PJA2: variants seen among roughly 807,000 people sequenced by gnomAD.
The protein encoded by PJA2 is praja ring finger ubiquitin ligase 2.
A neutral mutation model predicts 69.3 loss-of-function variants in PJA2; 25 were observed. The ratio of observed to expected loss-of-function variants is 0.36; its 90% CI spans 0.26 to 0.50. The LOEUF (loss-of-function observed/expected upper bound fraction) is 0.50, where lower values mean the gene tolerates loss of function less well. Among genes scored for constraint, PJA2 ranks in the 20% least tolerant of loss-of-function variants. PJA2 has a pLI of 0.96. For synonymous variants in PJA2, 308 were observed against 277.8 expected, an observed-to-expected ratio of 1.11 and a Z score of -1.08; for missense variants, 809 against 830.2, an observed-to-expected ratio of 0.97 and a Z score of 0.31.
rs1389748701 is a variant in PJA2 at position 109,369,212 on chromosome 5, A to G, written c.1284-466T>C. 2.6e-5 allele frequency among the ~76,000 whole-genome samples: 4 copies of G among 152,204 alleles called. No individual in the cohort carries two copies. The East Asian group carries it at 5.8e-4, about 22-fold the overall frequency. The stretch of plus-strand genomic sequence containing the variant: ...CCAGTCTCAGGTGTTTGTTTATAGC[A>G]ATGCAAGGATGAACTAATACACCAG... On this transcript the variant is annotated intron_variant, in intron 4 of 9. Coordinates refer to ENST00000361189, the MANE Select transcript of PJA2 (RefSeq NM_014819.5).
rs1561356773 is a variant in PJA2 at position 109,378,658 on chromosome 5, T to C, written c.829A>G (p.Arg277Gly). 6 of 1,614,128 alleles carry C rather than the reference T, an allele frequency of 3.7e-6. No individual in the cohort carries two copies. Among genetic ancestry groups the C allele is most frequent in the Admixed American group, 3.3e-5 (2 of 60,018 alleles). The change falls in exon 4 of 10, where the codon AGA (arginine) becomes GGA (glycine). Residue 277 changes from arginine (R) to glycine (G), a missense_variant. Around this residue, in one of 4 missense-constraint regions of PJA2, gnomAD observed 700 missense variants for 639.5 expected, o/e 1.09. Coordinates refer to ENST00000361189, the MANE Select transcript of PJA2 (RefSeq NM_014819.5). ...TCTTCAGGTGAATGTTCTGTCTGTC[T>C]TTCCTGGCTAGTATTATTTTGTTGT... The part of the protein sequence containing the change: ...TKQQNNTSQE[R>G]QTEHSPEDAA...
At chr5:109,373,298 G>A (rs990282738) in intron 4 of PJA2, among the ~76,000 whole-genome samples, 2 of 152,106 alleles carry the variant, frequency 1.3e-5, no homozygotes, top group African/African-American at 4.8e-5. Flanking sequence ...GAGAGACAGA[G>A]GGAAGCAACC....
At chr5:109,363,089 T>C in intron 5 of PJA2, 67 bp from the exon 6 acceptor site, 1 of 1,337,050 alleles carries the variant, frequency 7.5e-7, no homozygotes, top group Non-Finnish European at 1.0e-6. Context: ...CTGTCTTTAA[T>C]TCTATTCCAT....
chr5:109,405,870 T>C lies in PJA2; in HGVS notation c.-88+3972A>G, dbSNP rs1359645724. Among the ~76,000 whole-genome samples, 7 of 151,970 alleles carry C rather than the reference T, an allele frequency of 4.6e-5. No homozygotes were observed. The South Asian group carries it at 1.0e-3, about 23-fold the overall frequency. On this transcript the variant is annotated intron_variant, in intron 1 of 9. Coordinates refer to ENST00000361189, the MANE Select transcript of PJA2 (RefSeq NM_014819.5). ...CAGAAGCACAAATCATAAGAAAAAG[T>C]TGGTAAGATGAATTTATCAAAATTA... is the stretch of plus-strand genomic sequence containing the variant.
At chr5:109,361,512 G>T (rs1229321658) in intron 6 of PJA2, among the ~76,000 whole-genome samples, 1 of 152,194 alleles carries the variant, frequency 6.6e-6, no homozygotes, top group Non-Finnish European at 1.5e-5. Flanking sequence ...ATGCTAAACA[G>T]ATGATTCTTT....
intron 4 of PJA2, among the ~76,000 whole-genome samples, chr5:109,371,170 C>T (rs1762669261): frequency 6.6e-6 from 1 of 152,034 alleles, no homozygotes; most frequent in African/African-American, 2.4e-5. Context: ...TTTGCAGACC[C>T]CACGCCTATA....
intron 5 of PJA2, among the ~76,000 whole-genome samples, chr5:109,366,313 G>C (rs1396136046): frequency 6.6e-6 from 1 of 152,176 alleles, no homozygotes; most frequent in Non-Finnish European, 1.5e-5. Context: ...CTAGCTCTAA[G>C]AGCAAGTCTA....
chr5:109,395,692 T>C (rs1356323577), intron 1 of PJA2, among the ~76,000 whole-genome samples: 1 of 152,120 alleles, frequency 6.6e-6, no homozygotes, highest in Non-Finnish European at 1.5e-5. Context: ...TAGCTCATTT[T>C]AAGAGCAGAG....
chr5:109,359,715 A>C (rs1762479185), intron 6 of PJA2, among the ~76,000 whole-genome samples: 1 of 152,220 alleles, frequency 6.6e-6, no homozygotes. Flanking sequence ...TGTTAACTAA[A>C]TACAATGAAA....
chr5:109,367,393 TAA>T (rs1028961676), intron 5 of PJA2, among the ~76,000 whole-genome samples: 6 of 149,544 alleles, frequency 4.0e-5, no homozygotes, highest in African/African-American at 1.5e-4. Context: ...GTTCTTTTCC[TAA>T]AAAAAAACAT....
chr5:109,340,427 A>G (rs73219707), intron 9 of PJA2, among the ~76,000 whole-genome samples: 9,182 of 151,576 alleles, frequency 0.061, 881 homozygotes, highest in African/African-American at 0.21. Context: ...AGGGAAGGAG[A>G]AAAAAAGCAC....
Position 109,336,929 on chromosome 5 carries a change from C to G in PJA2, c.*302G>C, listed in dbSNP as rs192437202. ...GCAGTATTACAGACAAAGCCAATAA[C>G]GTATGCCACACAGATGATTATTTAT... On this transcript the variant is annotated 3_prime_UTR_variant, in exon 10 of 10. Transcript: ENST00000361189. 5.9e-6 allele frequency: 1 copy of G among 170,312 alleles called. No individual in the cohort carries two copies. The highest frequency in any genetic ancestry group is 2.4e-5 in the African/African-American group (1 of 41,738). 10.6% of individuals were successfully genotyped at this position (170,312 alleles called of 1,614,324 possible). A position where few individuals can be genotyped will look rare whatever the true frequency, so the allele number is the denominator to read the frequency against.
At chr5:109,338,255 G>A (rs1198909083) in intron 9 of PJA2, among the ~76,000 whole-genome samples, 2 of 152,280 alleles carry the variant, frequency 1.3e-5, no homozygotes, top group African/African-American at 2.4e-5. Context: ...TTCCTGACAG[G>A]AGAAAGACTG....
At chr5:109,350,416 C>A (rs1762231527) in intron 7 of PJA2, among the ~76,000 whole-genome samples, 1 of 152,050 alleles carries the variant, frequency 6.6e-6, no homozygotes, top group South Asian at 2.1e-4. Flanking sequence ...GTAGCATAAT[C>A]CTTTATCAGC....
intron 7 of PJA2, 100 bp downstream of exon 7, chr5:109,355,806 GATGGGAAAA>G: frequency 2.8e-6 from 2 of 701,950 alleles, no homozygotes; most frequent in Non-Finnish European, 4.8e-6. Flanking sequence ...TTACTAAACT[GATGGGAAAA>G]AGATTCACCT....
At chr5:109,406,691 T>G (rs890014882) in intron 1 of PJA2, among the ~76,000 whole-genome samples, 1 of 152,118 alleles carries the variant, frequency 6.6e-6, no homozygotes, top group East Asian at 1.9e-4. Flanking sequence ...AAAAAAGATG[T>G]TCACAAAAAT....
At chr5:109,389,986 G>A (rs981731032) in intron 1 of PJA2, among the ~76,000 whole-genome samples, 7 of 151,326 alleles carry the variant, frequency 4.6e-5, no homozygotes, top group African/African-American at 1.7e-4. Flanking sequence ...ATTCTTTGAA[G>A]ATTAATGATA....
chr5:109,377,420 A>G (rs1360582494), intron 4 of PJA2, among the ~76,000 whole-genome samples: 2 of 152,186 alleles, frequency 1.3e-5, no homozygotes, highest in Non-Finnish European at 1.5e-5. Context: ...GCAACTGAAC[A>G]AAGAAATTCT....
chr5:109,347,824 T>C (rs1219293902), intron 7 of PJA2, among the ~76,000 whole-genome samples: 1 of 152,252 alleles, frequency 6.6e-6, no homozygotes, highest in Non-Finnish European at 1.5e-5. Flanking sequence ...TACTTCCTAC[T>C]AGCCAATCCC....
Sources: allele counts gnomAD v4.1 joint callset (sites outside exome capture counted in the v4.1 genomes callset), GRCh38; gene constraint gnomAD v4.1.1; regional missense constraint gnomAD v4.1.1; transcripts MANE v1.5; gene names NCBI Gene and HGNC (gene_info 2026-07-23, HGNC 2026-07-21).